Variants in MEI1 observed in about 807,000 individuals in gnomAD.
MEI1 encodes meiosis inhibitor protein 1.
In MEI1, 103 loss-of-function variants were observed where a neutral mutation model predicts 146.2. The observed-to-expected ratio is 0.70, with a 90% CI of 0.60 to 0.83. The LOEUF (loss-of-function observed/expected upper bound fraction) is 0.83, where lower values mean the gene tolerates loss of function less well. MEI1 is among the 40% of genes least tolerant of loss of function. The pLI is 0.00. For synonymous variants in MEI1, 652 were observed against 628.2 expected, an observed-to-expected ratio of 1.04 and a Z score of -0.57; for missense variants, 1,529 against 1,533.0, an observed-to-expected ratio of 1.00 and a Z score of 0.04.
intron 20 of MEI1, 136 bp downstream of exon 20, chr22:41,771,097 G>C: frequency 1.0e-6 from 1 of 972,898 alleles, no homozygotes; most frequent in Non-Finnish European, 1.5e-6. Context: ...CATGTGAGTT[G>C]GAGGGGTGGT....
intron 11 of MEI1, among the ~76,000 whole-genome samples, chr22:41,735,687 T>C (rs1009447619): frequency 9.9e-5 from 15 of 152,206 alleles, no homozygotes; most frequent in African/African-American, 3.4e-4. Flanking sequence ...TTTGAATTTA[T>C]ATCTTGAAAG....
chr22:41,753,015 C>T (rs2073871654), intron 16 of MEI1, among the ~76,000 whole-genome samples: 1 of 151,276 alleles, frequency 6.6e-6, no homozygotes, highest in African/African-American at 2.4e-5. Context: ...ACCCTGGTCT[C>T]TACAATTTTT....
At chr22:41,738,462 C>G (rs1261803925) in intron 11 of MEI1, among the ~76,000 whole-genome samples, 1 of 152,086 alleles carries the variant, frequency 6.6e-6, no homozygotes, top group Non-Finnish European at 1.5e-5. Context: ...TGGCGGGTGC[C>G]TGTAATTCCA....
At chr22:41,712,245 G>A (rs1406515357) in intron 3 of MEI1, among the ~76,000 whole-genome samples, 1 of 114,610 alleles carries the variant, frequency 8.7e-6, no homozygotes, top group African/African-American at 3.6e-5. Flanking sequence ...TTGTTTGTTT[G>A]TTTCTTTGAT....
Position 41,703,375 on chromosome 22 carries a change from T to G in MEI1, c.219T>G (p.Leu73=). ...TGTTGTCCTGCTTCCAAGATGCCCT[T>G]GTGAGGCATACCTCCCTGGTCACGC... is the stretch of plus-strand genomic sequence containing the variant. ...KHMLSCFQDA[L]VRHTSLVTQL... The change falls in exon 2 of 31, where the codon CTT becomes CTG. Residue 73 remains leucine, a synonymous_variant. Transcript: ENST00000401548. 2 of 1,612,426 alleles carry G rather than the reference T, an allele frequency of 1.2e-6. No individual in the cohort carries two copies. Among genetic ancestry groups the G allele is most frequent in the Non-Finnish European group, 1.7e-6 (2 of 1,179,198 alleles).
intron 13 of MEI1, 85 bp downstream of exon 13, chr22:41,745,149 A>G (rs1198287732): frequency 3.1e-6 from 3 of 962,912 alleles, no homozygotes; most frequent in South Asian, 2.1e-5. Flanking sequence ...TCTAGAGGCA[A>G]CACTTGATTT....
In MEI1 at chr22:41,729,734, TC is replaced by T; in HGVS notation, c.938del (p.Pro313GlnfsTer36). Reference protein sequence around the residue: ...AHCITAVLVHSPAKHASAFIH... With the variant: ...AHCITAVLVHXPAKHASAFIH... ...CTGTATAACTGCGGTGCTTGTCCAC[TC>T]CCCAGCAAAGCATGCGTCAGCCTTC... On this transcript the variant is annotated frameshift_variant, in exon 8 of 31. Coordinates refer to ENST00000401548, the MANE Select transcript of MEI1 (RefSeq NM_152513.4). LOFTEE classifies it high-confidence loss of function. 3.1e-6 allele frequency: 5 copies of T among 1,611,866 alleles called. No individual in the cohort carries two copies. Among genetic ancestry groups the T allele is most frequent in the South Asian group, 1.1e-5 (1 of 90,428 alleles).
At chr22:41,740,080 C>G (rs867516377) in intron 11 of MEI1, among the ~76,000 whole-genome samples, 20 of 151,828 alleles carry the variant, frequency 1.3e-4, no homozygotes, top group African/African-American at 4.6e-4. Context: ...AGTTCAGTGG[C>G]TCGATCTCGG....
At chr22:41,774,490 A>C (rs1449431736) in intron 20 of MEI1, 1 of 152,128 alleles carries the variant, frequency 6.6e-6, no homozygotes, top group Non-Finnish European at 1.5e-5. Context: ...CATACTCTGT[A>C]AAGTAAAGGT....
At chr22:41,727,102 C>G (rs2071423268) in intron 7 of MEI1, among the ~76,000 whole-genome samples, 1 of 151,814 alleles carries the variant, frequency 6.6e-6, no homozygotes, top group Non-Finnish European at 1.5e-5. Context: ...ATAAGTCTGA[C>G]AAGTAGGAAG....
rs148424451 is a variant in MEI1 at position 41,762,636 on chromosome 22, C to A, written c.2121-538C>A. 3.2e-4 allele frequency among the ~76,000 whole-genome samples: 48 copies of A among 151,838 alleles called. No individual in the cohort carries two copies. The East Asian group carries it at 6.0e-3, about 19-fold the overall frequency. On this transcript the variant is annotated intron_variant, in intron 18 of 30. Transcript: ENST00000401548. The stretch of plus-strand genomic sequence containing the variant: ...TCCTGGCCTCAAGCAGTTCTCCCAC[C>A]ACAGCCTCCCAGAGTGCTGGGACTC...
At chr22:41,781,611 C>T in intron 23 of MEI1, 74 bp from the exon 24 acceptor site, 1 of 1,531,430 alleles carries the variant, frequency 6.5e-7, no homozygotes, top group Non-Finnish European at 8.9e-7. Context: ...CAATCAGGTG[C>T]TAAGCACCAT....
At chr22:41,755,459 A>G (rs930117576) in intron 17 of MEI1, among the ~76,000 whole-genome samples, 1 of 152,210 alleles carries the variant, frequency 6.6e-6, no homozygotes, top group East Asian at 1.9e-4. Flanking sequence ...CCTTTCTGCA[A>G]TCTCCCTGTT....
At chr22:41,744,279 T>A (rs956992297) in intron 12 of MEI1, among the ~76,000 whole-genome samples, 2 of 152,090 alleles carry the variant, frequency 1.3e-5, no homozygotes, top group African/African-American at 4.8e-5. Context: ...CAAGCAATTC[T>A]CCTGCCTCAG....
intron 20 of MEI1, among the ~76,000 whole-genome samples, chr22:41,775,134 T>G (rs953323776): frequency 6.6e-6 from 1 of 152,224 alleles, no homozygotes; most frequent in East Asian, 1.9e-4. Context: ...CTGGTGCAGC[T>G]TTCTGACTGG....
chr22:41,714,590 G>A (rs1421506639), intron 4 of MEI1, among the ~76,000 whole-genome samples: 1 of 152,062 alleles, frequency 6.6e-6, no homozygotes, highest in South Asian at 2.1e-4. Context: ...AAATTAGTTA[G>A]CCAGGCACAA....
chr22:41,704,805 C>A (rs1350031748), intron 2 of MEI1, among the ~76,000 whole-genome samples: 1 of 152,108 alleles, frequency 6.6e-6, no homozygotes, highest in African/African-American at 2.4e-5. Flanking sequence ...AGCTCCGCCT[C>A]CCAGGTTCAC....
chr22:41,716,686 CT>C (rs55994680), intron 5 of MEI1, among the ~76,000 whole-genome samples: 72,656 of 108,104 alleles, frequency 0.67, 25,462 homozygotes, highest in East Asian at 0.9. Context: ...TCCATTCATT[CT>C]TTTTTTTTTT....
At chr22:41,773,307 A>G (rs549625123) in intron 20 of MEI1, among the ~76,000 whole-genome samples, 26 of 152,314 alleles carry the variant, frequency 1.7e-4, no homozygotes, top group African/African-American at 4.6e-4. Context: ...GGCTAATCTG[A>G]ACTTCAGTTT....
Sources: gnomAD v4.1 joint callset for allele counts (sites outside exome capture counted in the v4.1 genomes callset) on GRCh38, gnomAD v4.1.1 for gene constraint, MANE v1.5 for transcripts, NCBI Gene and HGNC (gene_info 2026-07-23, HGNC 2026-07-21) for gene names.